Variants in NDST4 observed in about 807,000 individuals in gnomAD.
NDST4 encodes the protein N-heparan sulfate sulfotransferase 4.
Under a neutral mutation model 100.8 loss-of-function variants are expected in NDST4, and 63 were observed. The observed-to-expected ratio is 0.62, with a 90% CI of 0.51 to 0.77. NDST4 has a LOEUF of 0.77. Among genes scored for constraint, NDST4 ranks in the 30% least tolerant of loss-of-function variants. NDST4 has a pLI of 0.00. For missense variants in NDST4, 943 were observed against 1,018.4 expected (o/e 0.93, Z 1.01); for synonymous variants, 377 against 361.8 (o/e 1.04, Z -0.48).
chr4:114,853,798 T>A (rs1723731003), intron 7 of NDST4, among the ~76,000 whole-genome samples: 1 of 152,132 alleles, frequency 6.6e-6, no homozygotes, highest in Non-Finnish European at 1.5e-5. Context: ...ATCAGTTCCT[T>A]TTTCACTTAA....
chr4:114,915,837 G>A (rs1041468968), intron 6 of NDST4, among the ~76,000 whole-genome samples: 1 of 151,908 alleles, frequency 6.6e-6, no homozygotes, highest in Non-Finnish European at 1.5e-5. Flanking sequence ...GAGAAGGAGA[G>A]GGGGAGAGGG....
chr4:115,112,511 A>G (rs1031602409), intron 1 of NDST4, among the ~76,000 whole-genome samples: 2 of 151,984 alleles, frequency 1.3e-5, no homozygotes, highest in African/African-American at 4.8e-5. Flanking sequence ...ATGATAAAAC[A>G]TAAACTTAAA....
At chr4:115,066,875 T>C (rs1032960719) in intron 2 of NDST4, among the ~76,000 whole-genome samples, 1 of 152,162 alleles carries the variant, frequency 6.6e-6, no homozygotes, top group African/African-American at 2.4e-5. Context: ...ACTGAGCTCC[T>C]AACTACCACA....
At position 115,076,141 on chromosome 4, in the gene NDST4, G is replaced by A. The variant is rs1461431010; in HGVS notation, c.896C>T (p.Ser299Phe). 6.2e-7 allele frequency: 1 copy of A among 1,613,836 alleles called. No homozygotes were observed. The highest frequency in any genetic ancestry group is 8.5e-7 in the Non-Finnish European group (1 of 1,179,910). The change falls in exon 2 of 14, where the codon TCC (serine) becomes TTC (phenylalanine). Residue 299 changes from serine (S) to phenylalanine (F), a missense_variant. Around this residue, in one of 2 missense-constraint regions of NDST4, gnomAD observed 417 missense variants for 384.2 expected, o/e 1.09. Transcript: ENST00000264363. ...GTCCACAAGGATGTACCTGTCCAAG[G>A]ACAATGTCAGCCTCTTCCCTGACAA... ...SFLSGKRLTL[S>F]LDRYILVDID...
At chr4:114,994,779 T>C (rs1298693207) in intron 2 of NDST4, among the ~76,000 whole-genome samples, 1 of 152,004 alleles carries the variant, frequency 6.6e-6, no homozygotes, top group Non-Finnish European at 1.5e-5. Flanking sequence ...TCCTCTTGGG[T>C]TTAAAAAACA....
chr4:115,022,389 C>T (rs1727862165), intron 2 of NDST4, among the ~76,000 whole-genome samples: 1 of 12,382 alleles, frequency 8.1e-5, no homozygotes, highest in Admixed American at 7.7e-4. Flanking sequence ...ATATGTGTTC[C>T]ATATATATGT....
At chr4:114,912,025 T>C (rs1725073637) in intron 6 of NDST4, among the ~76,000 whole-genome samples, 1 of 152,150 alleles carries the variant, frequency 6.6e-6, no homozygotes, top group Non-Finnish European at 1.5e-5. Flanking sequence ...CTGCTACCAA[T>C]GGAACATAAA....
At chr4:115,004,086 T>A (rs1727359502) in intron 2 of NDST4, among the ~76,000 whole-genome samples, 1 of 152,058 alleles carries the variant, frequency 6.6e-6, no homozygotes, top group Admixed American at 6.6e-5. Context: ...CTTATAGAAA[T>A]AAGAAATTTC....
intron 7 of NDST4, among the ~76,000 whole-genome samples, chr4:114,864,936 A>G (rs2126194356): frequency 6.6e-6 from 1 of 152,198 alleles, no homozygotes; most frequent in East Asian, 1.9e-4. Context: ...ATGTCTATCT[A>G]TTCTTCACCA....
chr4:115,066,469 T>C (rs997104464), intron 2 of NDST4, among the ~76,000 whole-genome samples: 10 of 152,148 alleles, frequency 6.6e-5, no homozygotes, highest in African/African-American at 2.2e-4. Context: ...ATTAACTGTA[T>C]CCTGTACAGT....
At chr4:114,926,151 G>A (rs190583348) in intron 6 of NDST4, among the ~76,000 whole-genome samples, 2 of 152,232 alleles carry the variant, frequency 1.3e-5, no homozygotes, top group East Asian at 1.9e-4. Context: ...TATTTGACAA[G>A]TGTGGAACAG....
Position 114,878,121 on chromosome 4 carries a change from T to C in NDST4, c.1537-7171A>G, listed in dbSNP as rs191529054. Among the ~76,000 whole-genome samples the C allele has an allele frequency of 8.5e-5, 13 of 152,072 alleles. 1 individual carries two copies. In the East Asian group the frequency reaches 2.3e-3, roughly 27 times the overall value. ...CACCATGTGTAGGTCAGATGAGTAG[T>C]AAAAAGGTTAGGCTACTAAAAATTG... is the stretch of plus-strand genomic sequence containing the variant. On this transcript the variant is annotated intron_variant, in intron 6 of 13. Coordinates refer to ENST00000264363, the MANE Select transcript of NDST4 (RefSeq NM_022569.3).
chr4:115,071,766 T>G lies in NDST4; in HGVS notation c.978+4293A>C, dbSNP rs1729083136. On this transcript the variant is annotated intron_variant, in intron 2 of 13. Coordinates refer to ENST00000264363, the MANE Select transcript of NDST4 (RefSeq NM_022569.3). ...AAAAAAAAAATGAGAATGAAGAATA[T>G]GAGACTGTCAAAACTTTTTGGCACA... 2.0e-5 allele frequency among the ~76,000 whole-genome samples: 3 copies of G among 151,994 alleles called. No individual in the cohort carries two copies. In the South Asian group the frequency reaches 6.2e-4, roughly 32 times the overall value.
At chr4:115,080,655 CATT>C (rs1308611028) in intron 1 of NDST4, among the ~76,000 whole-genome samples, 1 of 151,556 alleles carries the variant, frequency 6.6e-6, no homozygotes, top group African/African-American at 2.4e-5. Flanking sequence ...AATAAAAACT[CATT>C]AAAAGATACA....
chr4:114,896,387 G>A (rs1212205553), intron 6 of NDST4, among the ~76,000 whole-genome samples: 1 of 152,084 alleles, frequency 6.6e-6, no homozygotes, highest in Non-Finnish European at 1.5e-5. Flanking sequence ...ACTTTGGGAG[G>A]CCGAGGTGGG....
chr4:115,097,896 G>T (rs1419214220), intron 1 of NDST4, among the ~76,000 whole-genome samples: 2 of 152,096 alleles, frequency 1.3e-5, no homozygotes, highest in Non-Finnish European at 2.9e-5. Context: ...TGGACTTCTT[G>T]TTTCTTCTTG....
chr4:114,865,185 C>A (rs916643226), intron 7 of NDST4, among the ~76,000 whole-genome samples: 12 of 152,170 alleles, frequency 7.9e-5, no homozygotes, highest in African/African-American at 2.9e-4. Flanking sequence ...CTGCCTCAGC[C>A]TCCCAAGTAG....
At chr4:114,941,096 C>G (rs919698519) in intron 4 of NDST4, among the ~76,000 whole-genome samples, 1 of 152,198 alleles carries the variant, frequency 6.6e-6, no homozygotes. Context: ...CTAGTATTTT[C>G]CTGCCTCATG....
chr4:114,894,676 T>C (rs1157637887), intron 6 of NDST4, among the ~76,000 whole-genome samples: 1 of 152,196 alleles, frequency 6.6e-6, no homozygotes, highest in Non-Finnish European at 1.5e-5. Flanking sequence ...CACAATCATG[T>C]CATCTGCAAA....
Sources: gnomAD v4.1 joint callset for allele counts (sites outside exome capture counted in the v4.1 genomes callset) on GRCh38, gnomAD v4.1.1 for gene constraint, gnomAD v4.1.1 regional missense constraint, MANE v1.5 for transcripts, NCBI Gene and HGNC (gene_info 2026-07-23, HGNC 2026-07-21) for gene names.